Variants in CALR3 observed in about 807,000 individuals in gnomAD.
CALR3 encodes the protein calreticulin-3.
Under a neutral mutation model 48.7 loss-of-function variants are expected in CALR3, and 39 were observed. That is an observed-to-expected ratio of 0.80 (90% CI 0.62 to 1.05). The LOEUF is 1.05. Ranked by LOEUF, CALR3 falls within the 50% of genes least tolerant of loss-of-function variation. The pLI is 0.00. For synonymous variants in CALR3, 185 were observed against 172.7 expected (o/e 1.07, Z -0.56); for missense variants, 449 against 474.7 (o/e 0.95, Z 0.50).
chr19:16,481,471 G>GTTTTT (rs71178696), intron 7 of CALR3, among the ~76,000 whole-genome samples: 3 of 79,698 alleles, frequency 3.8e-5, no homozygotes, highest in African/African-American at 4.5e-5. Context: ...GTCTCGCTCT[G>GTTTTT]TTTTTTTTTT....
chr19:16,488,474 G>A (rs571476122), intron 3 of CALR3, among the ~76,000 whole-genome samples: 2 of 150,720 alleles, frequency 1.3e-5, no homozygotes, highest in Non-Finnish European at 3.0e-5. Flanking sequence ...GTGAGATCTC[G>A]GCTCACTGCA....
At chr19:16,488,252 A>AT (rs58216842) in intron 3 of CALR3, among the ~76,000 whole-genome samples, 1 of 151,552 alleles carries the variant, frequency 6.6e-6, no homozygotes, top group African/African-American at 2.4e-5. Flanking sequence ...CAGAGCCCTA[A>AT]TTTTTATTTT....
rs12982918 is a variant in CALR3 at position 16,482,129 on chromosome 19, C to G, written c.918+321G>C. 3.3e-5 allele frequency among the ~76,000 whole-genome samples: 5 copies of G among 150,820 alleles called. 1 individual carries two copies. The highest frequency in any genetic ancestry group is 4.9e-5 in the African/African-American group (2 of 40,942). ...TTCACCATGTTAGCCAGGATGGTCT[C>G]GATCTCCTGACCTTGTGATCCACCC... is the stretch of plus-strand genomic sequence containing the variant. On this transcript the variant is annotated intron_variant, in intron 7 of 8. Coordinates refer to ENST00000269881, the MANE Select transcript of CALR3 (RefSeq NM_145046.5).
intron 3 of CALR3, among the ~76,000 whole-genome samples, chr19:16,486,676 T>C (rs1489437969): frequency 6.6e-6 from 1 of 151,654 alleles, no homozygotes; most frequent in African/African-American, 2.4e-5. Flanking sequence ...TGAGGAAATG[T>C]AGACAGATGG....
chr19:16,485,583 C>G (rs998872083), intron 3 of CALR3, among the ~76,000 whole-genome samples: 3 of 150,430 alleles, frequency 2.0e-5, no homozygotes, highest in African/African-American at 7.3e-5. Context: ...CTCCCAAAGT[C>G]CTAGGATTAC....
intron 4 of CALR3, among the ~76,000 whole-genome samples, chr19:16,484,941 T>TA (rs1364765507): frequency 6.6e-6 from 1 of 152,106 alleles, no homozygotes; most frequent in Non-Finnish European, 1.5e-5. Flanking sequence ...TAGCTCACAG[T>TA]AAAAAATGAG....
At chr19:16,481,108 C>T (rs2093380023) in intron 7 of CALR3, among the ~76,000 whole-genome samples, 1 of 151,558 alleles carries the variant, frequency 6.6e-6, no homozygotes, top group South Asian at 2.1e-4. Flanking sequence ...GAGTTGAGAT[C>T]GTGCCACTGC....
chr19:16,487,216 C>T (rs958515084), intron 3 of CALR3, among the ~76,000 whole-genome samples: 2 of 151,924 alleles, frequency 1.3e-5, no homozygotes, highest in African/African-American at 2.4e-5. Flanking sequence ...TGGTGGCTCA[C>T]GCCTGTAATT....
chr19:16,491,049 C>T (rs1465282121), intron 2 of CALR3, among the ~76,000 whole-genome samples: 2 of 151,970 alleles, frequency 1.3e-5, no homozygotes, highest in Admixed American at 6.6e-5. Context: ...TGTGAGCCAG[C>T]GTGCCTGGCC....
At position 16,480,663 on chromosome 19, in the gene CALR3, T is replaced by G; in HGVS notation, c.962A>C (p.Asp321Ala). ...GCCAAAATTATCTGCGTACTCTTCA[T>G]CATCTGTGATCAGAAAGTTATCAAA... ...TIFDNFLITD[D>A]EEYADNFGKA... Residue 321 changes from aspartate to alanine, a missense_variant, in exon 8 of 9, where the codon GAT becomes GCT. Physicochemically the swap from Asp to Ala is moderately radical, Grantham distance 126. Coordinates refer to ENST00000269881, the MANE Select transcript of CALR3 (RefSeq NM_145046.5). 2.5e-6 allele frequency: 4 copies of G among 1,613,956 alleles called. No individual in the cohort carries two copies. Among genetic ancestry groups the G allele is most frequent in the Non-Finnish European group, 3.4e-6 (4 of 1,179,820 alleles).
In CALR3 at chr19:16,482,465, G is replaced by A. The variant is rs781409571; in HGVS notation, c.903C>T (p.Gly301=). The A allele has an allele frequency of 6.2e-7, 1 of 1,614,192 alleles. No individual in the cohort carries two copies. Among genetic ancestry groups the A allele is most frequent in the Non-Finnish European group, 8.5e-7 (1 of 1,180,044 alleles). The part of the protein sequence containing the change: ...LSEFENIGAI[G]LELWQVRSGT... ...ACCAAATGACCTGCCAAAGCTCCAG[G>A]CCAATGGCACCAATGTTCTCAAATT... is the stretch of plus-strand genomic sequence containing the variant. The change falls in exon 7 of 9, where the codon GGC becomes GGT. Residue 301 remains glycine (G), a synonymous_variant. Coordinates refer to ENST00000269881, the MANE Select transcript of CALR3 (RefSeq NM_145046.5).
chr19:16,484,265 C>G, intron 4 of CALR3, 150 bp from the exon 5 acceptor site: 1 of 731,820 alleles, frequency 1.4e-6, no homozygotes, highest in Non-Finnish European at 2.2e-6. Context: ...ACAACCTCCA[C>G]CTCCTGAGTT....
chr19:16,482,581 C>G lies in CALR3; in HGVS notation c.787G>C (p.Asp263His), dbSNP rs200056222. The change falls in exon 7 of 9, where the codon GAT becomes CAT. Residue 263 changes from aspartate to histidine, a missense_variant and splice_region_variant. By Grantham distance (81) the Asp-to-His change is moderately conservative. Coordinates refer to ENST00000269881, the MANE Select transcript of CALR3 (RefSeq NM_145046.5). The stretch of plus-strand genomic sequence containing the variant: ...TGAATACCTTCTGGTTTCAGGCCAT[C>G]CTGTATCAAAAAAACCATATGGGGT... ...APMLQKPPYQ[D>H]GLKPEGIHKD... 39 of 1,614,154 alleles carry G rather than the reference C, an allele frequency of 2.4e-5. No individual in the cohort carries two copies. The highest frequency in any genetic ancestry group is 3.3e-5 in the Non-Finnish European group (39 of 1,180,026).
intron 2 of CALR3, among the ~76,000 whole-genome samples, chr19:16,490,985 T>G (rs1010495031): frequency 6.6e-6 from 1 of 152,082 alleles, no homozygotes; most frequent in African/African-American, 2.4e-5. Flanking sequence ...GGTCTTGAAC[T>G]CCTGACCTCA....
intron 2 of CALR3, among the ~76,000 whole-genome samples, chr19:16,494,613 G>C (rs1239590507): frequency 6.6e-6 from 1 of 151,958 alleles, no homozygotes; most frequent in East Asian, 1.9e-4. Context: ...GCTCGCCTAA[G>C]GCCTCCCAAA....
At chr19:16,491,737 G>A (rs1326752348) in intron 2 of CALR3, among the ~76,000 whole-genome samples, 3 of 148,804 alleles carry the variant, frequency 2.0e-5, no homozygotes, top group Admixed American at 6.7e-5. Flanking sequence ...AGATTGCACC[G>A]CTGCACTCCA....
At chr19:16,481,157 GAAA>G (rs903964082) in intron 7 of CALR3, among the ~76,000 whole-genome samples, 3 of 138,630 alleles carry the variant, frequency 2.2e-5, no homozygotes, top group Non-Finnish European at 3.2e-5. Context: ...CAGTCTCAAA[GAAA>G]AAAAAAAAAG....
chr19:16,492,943 A>G (rs535289283), intron 2 of CALR3, among the ~76,000 whole-genome samples: 6 of 152,134 alleles, frequency 3.9e-5, no homozygotes, highest in Admixed American at 2.6e-4. Flanking sequence ...AAGCAGGAGA[A>G]TCATTTGAAC....
Position 16,483,971 on chromosome 19 carries a change from C to G in CALR3, c.637G>C (p.Glu213Gln). ...TSLKKETSPAESKDWEQTKDN... is the reference protein window; with the variant it reads ...TSLKKETSPAQSKDWEQTKDN... ...TTAGTCTGTTCCCAATCCTTCGATT[C>G]TGCCGGGGACGTTTCCTTCTTGAGT... Residue 213 changes from glutamate to glutamine, a missense_variant, in exon 5 of 9, where the codon GAA (glutamate) becomes CAA (glutamine). Coordinates refer to ENST00000269881, the MANE Select transcript of CALR3 (RefSeq NM_145046.5). 6.2e-7 allele frequency: 1 copy of G among 1,614,070 alleles called. No homozygotes were observed. Among genetic ancestry groups the G allele is most frequent in the Non-Finnish European group, 8.5e-7 (1 of 1,180,024 alleles).
Sources: gnomAD v4.1 joint callset for allele counts (sites outside exome capture counted in the v4.1 genomes callset) on GRCh38, gnomAD v4.1.1 for gene constraint, MANE v1.5 for transcripts, NCBI Gene and HGNC (gene_info 2026-07-23, HGNC 2026-07-21) for gene names.